CDYL: variants seen among roughly 807,000 people sequenced by gnomAD.
CDYL encodes the protein chromodomain Y like.
In CDYL, 8 loss-of-function variants were observed where a neutral mutation model predicts 47.3. The observed-to-expected ratio is 0.17, with a 90% CI of 0.10 to 0.31. The LOEUF (loss-of-function observed/expected upper bound fraction) is 0.31. CDYL is among the 10% of genes least tolerant of loss of function. The pLI is 1.00. For synonymous variants in CDYL, 266 were observed against 265.0 expected (o/e 1.00, Z -0.04); for missense variants, 471 against 701.4 (o/e 0.67, Z 3.71).
chr6:4,860,122 C>T (rs766840814), intron 1 of CDYL, among the ~76,000 whole-genome samples: 5 of 151,820 alleles, frequency 3.3e-5, no homozygotes, highest in Admixed American at 6.6e-5. Flanking sequence ...AGGATGGTCT[C>T]GATCTCCTGA....
intron 2 of CDYL, among the ~76,000 whole-genome samples, chr6:4,723,021 T>G (rs1040528363): frequency 6.6e-6 from 1 of 152,214 alleles, no homozygotes; most frequent in Non-Finnish European, 1.5e-5. Flanking sequence ...CAGCCTTTAT[T>G]GAATGCCTTC....
chr6:4,865,154 C>A (rs1761282751), intron 1 of CDYL, among the ~76,000 whole-genome samples: 1 of 152,166 alleles, frequency 6.6e-6, no homozygotes, highest in Non-Finnish European at 1.5e-5. Context: ...CACCCCTGGT[C>A]ACCTGCTCTG....
At chr6:4,729,917 CA>C (rs889031396) in intron 2 of CDYL, among the ~76,000 whole-genome samples, 3 of 149,018 alleles carry the variant, frequency 2.0e-5, no homozygotes, top group East Asian at 1.9e-4. Flanking sequence ...GACTGTGTCT[CA>C]AAAAAAAAGG....
intron 3 of CDYL, among the ~76,000 whole-genome samples, chr6:4,757,867 T>C (rs1257485088): frequency 6.6e-6 from 1 of 151,944 alleles, no homozygotes; most frequent in Non-Finnish European, 1.5e-5. Context: ...TGAAACATCA[T>C]GTCAAATAAA....
At chr6:4,771,451 G>A (rs1490249156), upstream of CDYL, among the ~76,000 whole-genome samples, 5 of 152,126 alleles carry the variant, frequency 3.3e-5, no homozygotes, top group Admixed American at 2.0e-4. Flanking sequence ...AGGTGATGCC[G>A]TTGCTGCTAG....
chr6:4,852,418 TTCCTTCCTTCC>T (rs1337809285), intron 1 of CDYL, among the ~76,000 whole-genome samples: 53 of 139,968 alleles, frequency 3.8e-4, no homozygotes, highest in African/African-American at 1.4e-3. Context: ...CCTTCCAATC[TTCCTTCCTTCC>T]TCCTTCCTTC....
At chr6:4,936,750 A>G (rs955235313) in intron 3 of CDYL, among the ~76,000 whole-genome samples, 4 of 152,314 alleles carry the variant, frequency 2.6e-5, no homozygotes, top group Non-Finnish European at 4.4e-5. Context: ...GTTTCTTTCA[A>G]CTGGTTTGAA....
At chr6:4,734,258 T>A (rs1757661424) in intron 2 of CDYL, among the ~76,000 whole-genome samples, 1 of 152,032 alleles carries the variant, frequency 6.6e-6, no homozygotes, top group Admixed American at 6.6e-5. Context: ...TCTGGGAGGG[T>A]CCCCTTGTGT....
intron 4 of CDYL, among the ~76,000 whole-genome samples, chr6:4,939,407 C>G (rs539026303): frequency 6.6e-6 from 1 of 152,272 alleles, no homozygotes; most frequent in Non-Finnish European, 1.5e-5. Flanking sequence ...ACCCACACCT[C>G]TGGGTTGAAG....
At chr6:4,936,027 G>GGCCTCTGT (rs1371298248) in intron 3 of CDYL, among the ~76,000 whole-genome samples, 1 of 152,216 alleles carries the variant, frequency 6.6e-6, no homozygotes, top group African/African-American at 2.4e-5. Flanking sequence ...GGTCCACCCA[G>GGCCTCTGT]GCCTCTGTGC....
intron 1 of CDYL, among the ~76,000 whole-genome samples, chr6:4,712,239 ACATGTTCAT>A (rs1289792618): frequency 6.6e-6 from 1 of 152,158 alleles, no homozygotes; most frequent in African/African-American, 2.4e-5. Context: ...GGCTAGGAGC[ACATGTTCAT>A]GAGAGAATTA....
At chr6:4,722,009 T>G (rs1374908837) in intron 2 of CDYL, among the ~76,000 whole-genome samples, 2 of 152,214 alleles carry the variant, frequency 1.3e-5, no homozygotes, top group Admixed American at 6.5e-5. Context: ...ATTATAGGCA[T>G]GTGCCTGGCT....
At chr6:4,929,254 A>G (rs1220921028) in intron 2 of CDYL, among the ~76,000 whole-genome samples, 1 of 151,902 alleles carries the variant, frequency 6.6e-6, no homozygotes, top group Non-Finnish European at 1.5e-5. Context: ...ATACACTTCA[A>G]AGGTGCCATT....
chr6:4,785,881 G>A (rs567510668), intron 1 of CDYL, among the ~76,000 whole-genome samples: 2 of 152,370 alleles, frequency 1.3e-5, no homozygotes, highest in East Asian at 3.9e-4. Flanking sequence ...TCGCTGAAGA[G>A]GGTAGCTGGT....
At chr6:4,795,080 A>T (rs1303819034) in intron 1 of CDYL, among the ~76,000 whole-genome samples, 1 of 151,690 alleles carries the variant, frequency 6.6e-6, no homozygotes, top group Non-Finnish European at 1.5e-5. Flanking sequence ...TTTTATTTCT[A>T]ATTCCAAAAG....
chr6:4,745,767 A>G (rs1248310148), intron 3 of CDYL, among the ~76,000 whole-genome samples: 1 of 152,124 alleles, frequency 6.6e-6, no homozygotes, highest in Admixed American at 6.5e-5. Flanking sequence ...CTCATGGGGA[A>G]GTGAGGGTAG....
chr6:4,909,744 T>A (rs1032271894), intron 2 of CDYL, among the ~76,000 whole-genome samples: 153 of 152,008 alleles, frequency 1.0e-3, no homozygotes, highest in Admixed American at 2.0e-3. Context: ...CTATTTTTTT[T>A]TTTTTATTTT....
At chr6:4,782,013 T>A (rs900904376) in intron 1 of CDYL, among the ~76,000 whole-genome samples, 2 of 150,930 alleles carry the variant, frequency 1.3e-5, no homozygotes, top group African/African-American at 4.9e-5. Context: ...TTTAGGAGCC[T>A]CTGGATACGC....
chr6:4,818,744 T>TTTA (rs1319061159), intron 1 of CDYL, among the ~76,000 whole-genome samples: 4 of 152,184 alleles, frequency 2.6e-5, no homozygotes, highest in African/African-American at 7.2e-5. Flanking sequence ...AGATGCTAAA[T>TTTA]GGGTAAGGTG....
Sources: gnomAD v4.1 joint callset for allele counts (sites outside exome capture counted in the v4.1 genomes callset) on GRCh38, gnomAD v4.1.1 for gene constraint, MANE v1.5 for transcripts, NCBI Gene and HGNC (gene_info 2026-07-23, HGNC 2026-07-21) for gene names.